The following NRG1 variants were observed in gnomAD, a reference collection of about 807,000 sequenced individuals.
NRG1 encodes neuregulin 1, also known as pro-neuregulin-1, membrane-bound isoform.
Under a neutral mutation model 63.8 loss-of-function variants are expected in NRG1, and 18 were observed. That is an observed-to-expected ratio of 0.28 (90% CI 0.19 to 0.42). The LOEUF (loss-of-function observed/expected upper bound fraction) is 0.42. NRG1 is among the 10% of genes least tolerant of loss of function. The pLI is 1.00. For synonymous variants in NRG1, 302 were observed against 301.3 expected (o/e 1.00, Z -0.02); for missense variants, 762 against 814.7 (o/e 0.94, Z 0.79).
At chr8:32,310,988 C>T (rs928288307) in intron 1 of NRG1, among the ~76,000 whole-genome samples, 3 of 152,186 alleles carry the variant, frequency 2.0e-5, no homozygotes, top group Non-Finnish European at 2.9e-5. Context: ...TCTTCATGGT[C>T]TTCCTAAATA....
intron 1 of NRG1, among the ~76,000 whole-genome samples, chr8:32,583,742 A>T (rs1841119198): frequency 6.6e-6 from 1 of 152,192 alleles, no homozygotes; most frequent in African/African-American, 2.4e-5. Context: ...TTAGACTACC[A>T]CTATTTAGCC....
downstream of NRG1, among the ~76,000 whole-genome samples, chr8:32,771,758 C>T (rs1831823867): frequency 7.0e-6 from 1 of 141,956 alleles, no homozygotes; most frequent in Admixed American, 7.1e-5. Context: ...CACGGTGGCT[C>T]ATGACTGTAA....
chr8:31,869,711 T>A (rs1008427613), intron 1 of NRG1, among the ~76,000 whole-genome samples: 1 of 152,196 alleles, frequency 6.6e-6, no homozygotes, highest in Non-Finnish European at 1.5e-5. Flanking sequence ...TCCACCAAGT[T>A]TGAAACAGCA....
At chr8:32,685,765 G>A (rs986024098) in intron 5 of NRG1, among the ~76,000 whole-genome samples, 1 of 152,178 alleles carries the variant, frequency 6.6e-6, no homozygotes, top group Non-Finnish European at 1.5e-5. Context: ...TCAGAGTGGT[G>A]CATGCAGAAG....
chr8:31,765,039 C>T (rs1456614576), intron 1 of NRG1, among the ~76,000 whole-genome samples: 2 of 151,868 alleles, frequency 1.3e-5, no homozygotes, highest in Non-Finnish European at 2.9e-5. Flanking sequence ...TTTCAGTATA[C>T]AAGTTAGAAC....
At chr8:31,866,471 C>A (rs551646621) in intron 1 of NRG1, among the ~76,000 whole-genome samples, 2 of 152,122 alleles carry the variant, frequency 1.3e-5, no homozygotes, top group South Asian at 4.1e-4. Context: ...AAGAGGGATA[C>A]AATTTGTTGA....
chr8:32,717,711 G>GGT (rs2128996306), intron 5 of NRG1, among the ~76,000 whole-genome samples: 1 of 152,270 alleles, frequency 6.6e-6, no homozygotes, highest in African/African-American at 2.4e-5. Context: ...TTGGCTAAAT[G>GGT]GTATATAGCA....
intron 1 of NRG1, among the ~76,000 whole-genome samples, chr8:31,996,500 G>T (rs1249854409): frequency 6.6e-6 from 1 of 151,964 alleles, no homozygotes; most frequent in Non-Finnish European, 1.5e-5. Context: ...GGGAGGCTGA[G>T]ATGAGGGGCT....
chr8:32,202,757 C>T (rs1292684270), intron 1 of NRG1, among the ~76,000 whole-genome samples: 1 of 151,370 alleles, frequency 6.6e-6, no homozygotes, highest in African/African-American at 2.4e-5. Flanking sequence ...TCCTCTTGAC[C>T]TTCAGACACT....
chr8:31,776,844 C>T (rs957904822), intron 1 of NRG1, among the ~76,000 whole-genome samples: 4 of 152,048 alleles, frequency 2.6e-5, no homozygotes, highest in Admixed American at 2.0e-4. Context: ...CAGCTTCATC[C>T]ATGTCCCTAC....
At chr8:32,267,086 AAGAG>A (rs1267910210) in intron 1 of NRG1, among the ~76,000 whole-genome samples, 1 of 144,198 alleles carries the variant, frequency 6.9e-6, no homozygotes, top group African/African-American at 2.6e-5. Context: ...GAGAGAGAGA[AAGAG>A]AGAGAAAGGA....
rs71208196 is a variant in NRG1 at position 32,579,195 on chromosome 8, C to CTTTTTTTTTTTTTT, written c.101-16624_101-16611dup. 7.6e-5 allele frequency among the ~76,000 whole-genome samples: 8 copies of CTTTTTTTTTTTTTT among 105,428 alleles called. 1 individual carries two copies. Among genetic ancestry groups the CTTTTTTTTTTTTTT allele is most frequent in the Non-Finnish European group, 7.8e-5 (4 of 51,310 alleles). The allele number at this position is 105,428 out of a possible 152,430, so 69.2% of individuals were successfully genotyped here. A position where few individuals can be genotyped will look rare whatever the true frequency, so the allele number is the denominator to read the frequency against. On this transcript the variant is annotated intron_variant, in intron 1 of 11. Transcript: ENST00000356819. ...ATTTTGTAGAAGTTCTTTCTTCTGT[C>CTTTTTTTTTTTTTT]TTTTTTTTTTTTTTTTTTTTTTGGA...
chr8:32,393,008 G>A (rs1182464968), intron 1 of NRG1, among the ~76,000 whole-genome samples: 1 of 152,006 alleles, frequency 6.6e-6, no homozygotes, highest in African/African-American at 2.4e-5. Context: ...TTCATTACTG[G>A]TTGTTTTTAC....
At chr8:32,725,464 ATTTTTTTTTTTT>A (rs71209904) in intron 5 of NRG1, among the ~76,000 whole-genome samples, 20 of 67,582 alleles carry the variant, frequency 3.0e-4, no homozygotes, top group African/African-American at 8.9e-4. Context: ...AAACTTCCTA[ATTTTTTTTTTTT>A]TTTTTTTTTT....
At chr8:32,118,618 T>A (rs954276582) in intron 1 of NRG1, among the ~76,000 whole-genome samples, 1 of 152,150 alleles carries the variant, frequency 6.6e-6, no homozygotes, top group African/African-American at 2.4e-5. Flanking sequence ...TGCGAGGAAC[T>A]GTTACAGGTA....
At chr8:32,753,412 T>C (rs1829094562) in intron 7 of NRG1, among the ~76,000 whole-genome samples, 2 of 152,340 alleles carry the variant, frequency 1.3e-5, no homozygotes, top group South Asian at 4.1e-4. Flanking sequence ...TGATCGCATT[T>C]TGGGTGCAGT....
chr8:32,136,405 C>A (rs925796715), intron 1 of NRG1, among the ~76,000 whole-genome samples: 1 of 152,068 alleles, frequency 6.6e-6, no homozygotes, highest in Non-Finnish European at 1.5e-5. Flanking sequence ...GGTCTCTGAC[C>A]CAAAGTCTCA....
intron 1 of NRG1, among the ~76,000 whole-genome samples, chr8:31,652,659 T>C (rs1804968064): frequency 6.6e-6 from 1 of 152,234 alleles, no homozygotes. Flanking sequence ...TGTCACTACC[T>C]GTCATTTCAG....
At chr8:31,954,104 T>C (rs1803959570) in intron 1 of NRG1, among the ~76,000 whole-genome samples, 1 of 152,200 alleles carries the variant, frequency 6.6e-6, no homozygotes, top group Non-Finnish European at 1.5e-5. Flanking sequence ...TAAAATTTGT[T>C]TGACAGACAT....
Sources: allele counts gnomAD v4.1 joint callset (sites outside exome capture counted in the v4.1 genomes callset), GRCh38; gene constraint gnomAD v4.1.1; transcripts MANE v1.5; gene names NCBI Gene and HGNC (gene_info 2026-07-23, HGNC 2026-07-21).